Variants in VWDE observed in about 807,000 individuals in gnomAD.
VWDE encodes the protein von Willebrand factor D and EGF domain-containing protein.
VWDE carries 207 observed loss-of-function variants against 178.4 expected under a neutral mutation model. That is an observed-to-expected ratio of 1.16 (90% CI 1.04 to 1.30). VWDE has a LOEUF of 1.30. Among genes scored for constraint, VWDE ranks in the 50% most tolerant of loss-of-function variants. The pLI is 0.00. For missense variants in VWDE, 2,287 were observed against 1,901.3 expected, an observed-to-expected ratio of 1.20 and a Z score of -3.77; for synonymous variants, 738 against 651.4, an observed-to-expected ratio of 1.13 and a Z score of -2.02.
chr7:12,342,610 T>C (rs932702727), intron 22 of VWDE, among the ~76,000 whole-genome samples: 5 of 151,896 alleles, frequency 3.3e-5, no homozygotes, highest in Non-Finnish European at 7.4e-5. Context: ...TGTGTGTTCT[T>C]TTTATTTTTT....
At chr7:12,336,080 T>G in intron 27 of VWDE, 61 bp downstream of exon 27, 1 of 1,402,596 alleles carries the variant, frequency 7.1e-7, no homozygotes, top group Non-Finnish European at 9.8e-7. Flanking sequence ...AGCTATACTT[T>G]AATTATTATA....
rs917378341 is a variant in VWDE at position 12,340,402 on chromosome 7, A to T, written c.4286T>A (p.Val1429Asp). The T allele has an allele frequency of 1.9e-6, 3 of 1,551,006 alleles. No homozygotes were observed. In the African/African-American group the frequency reaches 4.1e-5, roughly 21 times the overall value. The change falls in exon 24 of 29, where the codon GTC becomes GAC. Residue 1429 changes from valine (V) to aspartate (D), a missense_variant. Physicochemically the swap from Val to Asp is radical, Grantham distance 152. Transcript: ENST00000275358. Reference sequence around the variant, plus strand: ...ATTACACGAACCACCATTGAGGCAGACAGGGTCGCACAAAGCTAATAAACA... The same window carrying T: ...ATTACACGAACCACCATTGAGGCAGTCAGGGTCGCACAAAGCTAATAAACA... ...PTCSTALCDP[V>D]CLNGGSCNKP...
chr7:12,332,725 A>G, intron 28 of VWDE, among the ~76,000 whole-genome samples: 1 of 152,204 alleles, frequency 6.6e-6, no homozygotes, highest in Admixed American at 6.5e-5. Flanking sequence ...GGCCAATCCT[A>G]CAGGATGACA....
rs1173566229 is a variant in VWDE at position 12,389,210 on chromosome 7, A to G, written c.392T>C (p.Ile131Thr). Residue 131 changes from isoleucine to threonine, a missense_variant, in exon 3 of 29, where the codon ATC (isoleucine) becomes ACC (threonine). Physicochemically the swap from Ile to Thr is moderately conservative, Grantham distance 89. Coordinates refer to ENST00000275358, the MANE Select transcript of VWDE (RefSeq NM_001135924.3). ...CCCACAGTTTCTTACAGACACTGGG[A>G]TTTGAAAGAGACAGCAGTCTTTTGT... ...STTKDCCLFQ[I>T]PVSVRNCGNF... 1 of 1,551,830 alleles carries G rather than the reference A, an allele frequency of 6.4e-7. No homozygotes were observed. Among genetic ancestry groups the G allele is most frequent in the East Asian group, 2.4e-5 (1 of 40,906 alleles).
intron 1 of VWDE, among the ~76,000 whole-genome samples, chr7:12,399,123 A>G (rs1784760548): frequency 6.6e-6 from 1 of 152,166 alleles, no homozygotes; most frequent in Non-Finnish European, 1.5e-5. Context: ...AGCAAGGGAA[A>G]ATAGAGTGAC....
chr7:12,358,800 T>C (rs1277321035), intron 16 of VWDE, among the ~76,000 whole-genome samples: 1 of 152,218 alleles, frequency 6.6e-6, no homozygotes, highest in Non-Finnish European at 1.5e-5. Context: ...TTGTATTGTA[T>C]TTTCATCTCT....
At chr7:12,339,111 T>G (rs1167705792) in intron 24 of VWDE, among the ~76,000 whole-genome samples, 1 of 152,124 alleles carries the variant, frequency 6.6e-6, no homozygotes, top group East Asian at 1.9e-4. Context: ...GCAAGAAAGC[T>G]GTGGAGGCAA....
intron 16 of VWDE, among the ~76,000 whole-genome samples, chr7:12,358,075 C>G (rs988566993): frequency 1.3e-5 from 2 of 152,062 alleles, no homozygotes; most frequent in African/African-American, 2.4e-5. Flanking sequence ...AGTGCACACA[C>G]TAAAAAAGAG....
intron 23 of VWDE, among the ~76,000 whole-genome samples, chr7:12,340,826 C>G (rs1014253486): frequency 1.3e-5 from 2 of 152,190 alleles, no homozygotes; most frequent in Admixed American, 6.6e-5. Context: ...GGTTTGTAAT[C>G]TGTTCAAATA....
intron 15 of VWDE, among the ~76,000 whole-genome samples, chr7:12,360,802 T>C (rs1782534817): frequency 6.6e-6 from 1 of 152,192 alleles, no homozygotes; most frequent in Non-Finnish European, 1.5e-5. Context: ...ACCAAATGTA[T>C]GTCACTTGAT....
intron 18 of VWDE, among the ~76,000 whole-genome samples, chr7:12,355,778 T>C (rs73680953): frequency 0.017 from 2,574 of 152,286 alleles, 63 homozygotes; most frequent in African/African-American, 0.059. Flanking sequence ...TTCTCTGGCA[T>C]AATTCCTTTA....
intron 1 of VWDE, among the ~76,000 whole-genome samples, chr7:12,397,152 AT>A (rs1219007456): frequency 1.3e-5 from 2 of 152,164 alleles, no homozygotes; most frequent in East Asian, 3.8e-4. Context: ...GAGGCATTAC[AT>A]TACCCAACTT....
At chr7:12,335,497 C>G (rs945916635) in intron 27 of VWDE, among the ~76,000 whole-genome samples, 10 of 151,986 alleles carry the variant, frequency 6.6e-5, no homozygotes, top group African/African-American at 2.2e-4. Context: ...GCTCTGTCGC[C>G]CAGGCCGGAG....
intron 13 of VWDE, among the ~76,000 whole-genome samples, chr7:12,362,958 T>C (rs1782667797): frequency 6.6e-6 from 1 of 152,104 alleles, no homozygotes; most frequent in Non-Finnish European, 1.5e-5. Flanking sequence ...ATAGAGATTA[T>C]TCCCAACTTT....
In VWDE at chr7:12,375,058, T is replaced by G. The variant is rs1783444398; in HGVS notation, c.1194A>C (p.Ile398=). Residue 398 remains isoleucine, a synonymous_variant, in exon 8 of 29, where the codon ATA becomes ATC. Transcript: ENST00000275358. The stretch of plus-strand genomic sequence containing the variant: ...TGTTCCACAGGAAATCCTCATTAAC[T>G]ATTGGTTGCACTACAATGTTTGAGA... ...DRVSNIVVQP[I]VNEDFLWNNY... 6.4e-7 allele frequency: 1 copy of G among 1,551,228 alleles called. No homozygotes were observed. Among genetic ancestry groups the G allele is most frequent in the Admixed American group, 2.0e-5 (1 of 50,960 alleles).
intron 2 of VWDE, among the ~76,000 whole-genome samples, chr7:12,392,257 G>A (rs540113772): frequency 3.5e-4 from 54 of 152,286 alleles, no homozygotes; most frequent in Non-Finnish European, 1.5e-4. Context: ...AATAATGTCC[G>A]CAAGTGCAGG....
At chr7:12,338,938 C>T (rs764835422) in intron 24 of VWDE, among the ~76,000 whole-genome samples, 7 of 152,098 alleles carry the variant, frequency 4.6e-5, no homozygotes, top group African/African-American at 7.2e-5. Context: ...TTACATTCCA[C>T]CTAATTTTAT....
At chr7:12,350,962 A>C (rs931300167) in intron 19 of VWDE, among the ~76,000 whole-genome samples, 1 of 152,160 alleles carries the variant, frequency 6.6e-6, no homozygotes, top group African/African-American at 2.4e-5. Context: ...AAGAGAATCC[A>C]CTATAAACCG....
chr7:12,343,118 C>G lies in VWDE; in HGVS notation c.4139G>C (p.Cys1380Ser). Residue 1380 changes from cysteine (C) to serine (S), a missense_variant, in exon 22 of 29, where the codon TGT (cysteine) becomes TCT (serine). Cys to Ser is a moderately radical substitution (Grantham distance 112). Transcript: ENST00000275358. ...GTCLAGNLCT[C>S]PYGFVGPRCE... is the part of the protein sequence containing the mutation. ...CCTTGGTCCTACAAAACCATAAGGA[C>G]AAGTGCAGAGATTCCCAGCCAAGCA... 1.3e-6 allele frequency: 2 copies of G among 1,549,792 alleles called. No individual in the cohort carries two copies. The highest frequency in any genetic ancestry group is 8.7e-7 in the Non-Finnish European group (1 of 1,145,722).
Sources: allele counts gnomAD v4.1 joint callset (sites outside exome capture counted in the v4.1 genomes callset), GRCh38; gene constraint gnomAD v4.1.1; transcripts MANE v1.5; gene names NCBI Gene and HGNC (gene_info 2026-07-23, HGNC 2026-07-21).